PLD3: variants seen among roughly 807,000 people sequenced by gnomAD.
The protein encoded by PLD3 is 5'-3' exonuclease PLD3.
In PLD3, 31 loss-of-function variants were observed where a neutral mutation model predicts 58.4. The observed-to-expected ratio is 0.53, with a 90% CI of 0.40 to 0.72. The LOEUF (loss-of-function observed/expected upper bound fraction) is 0.72. PLD3 is among the 30% of genes least tolerant of loss of function. PLD3 has a pLI of 0.00. For synonymous variants in PLD3, 264 were observed against 273.4 expected (o/e 0.97, Z 0.34); for missense variants, 595 against 659.8 (o/e 0.90, Z 1.08).
chr19:40,374,185 C>T (rs936519020), intron 9 of PLD3, among the ~76,000 whole-genome samples: 1 of 152,112 alleles, frequency 6.6e-6, no homozygotes, highest in African/African-American at 2.4e-5. Flanking sequence ...GCCGCTGGAT[C>T]AGGGACCTTA....
intron 10 of PLD3, 124 bp downstream of exon 10, chr19:40,374,744 G>T (rs2079151841): frequency 6.6e-6 from 7 of 1,057,440 alleles, no homozygotes; most frequent in Non-Finnish European, 8.4e-6. Context: ...AAGCTGCAGG[G>T]AGAGACAGTC....
chr19:40,367,661 G>A, intron 5 of PLD3, 35 bp from the exon 6 acceptor site: 1 of 1,570,698 alleles, frequency 6.4e-7, no homozygotes. Context: ...TTGCTCTCCG[G>A]CACCGTATGG....
intron 6 of PLD3, among the ~76,000 whole-genome samples, chr19:40,368,835 G>C (rs150183257): frequency 1.6e-3 from 248 of 152,150 alleles, no homozygotes; most frequent in African/African-American, 5.4e-3. Flanking sequence ...GGAAGGAGGA[G>C]GATGGCTTGA....
chr19:40,373,781 G>A (rs2079124604), intron 9 of PLD3, among the ~76,000 whole-genome samples: 1 of 152,072 alleles, frequency 6.6e-6, no homozygotes, highest in Admixed American at 6.6e-5. Flanking sequence ...GAGGTCAGGA[G>A]TTCGAGACCT....
At chr19:40,359,887 A>G (rs2078740061) in intron 1 of PLD3, 1 of 152,070 alleles carries the variant, frequency 6.6e-6, no homozygotes, top group Non-Finnish European at 1.5e-5. Flanking sequence ...TGTGGAGATG[A>G]GTCCTGCTGT....
intron 5 of PLD3, chr19:40,367,162 A>G (rs559959776): frequency 1.4e-5 from 7 of 516,920 alleles, no homozygotes; most frequent in East Asian, 1.3e-4. Flanking sequence ...GTGGACCCAC[A>G]CACACATCTC....
At chr19:40,372,372 A>G (rs917211042) in intron 9 of PLD3, among the ~76,000 whole-genome samples, 4 of 152,024 alleles carry the variant, frequency 2.6e-5, no homozygotes, top group African/African-American at 9.7e-5. Flanking sequence ...TTGTGCATGC[A>G]TGTAGTCACA....
At chr19:40,351,977 T>C (rs954600476) in intron 1 of PLD3, among the ~76,000 whole-genome samples, 8 of 152,024 alleles carry the variant, frequency 5.3e-5, no homozygotes, top group African/African-American at 1.7e-4. Flanking sequence ...CAAATATCCC[T>C]GTCAAAGATC....
chr19:40,349,850 C>G (rs554056398), intron 1 of PLD3, among the ~76,000 whole-genome samples: 1 of 151,278 alleles, frequency 6.6e-6, no homozygotes, highest in African/African-American at 2.4e-5. Context: ...CCCAGCTACT[C>G]GGGAGGCTGA....
chr19:40,367,688 C>G lies in PLD3; in HGVS notation c.246-8C>G. On this transcript the variant is annotated splice_polypyrimidine_tract_variant and splice_region_variant and intron_variant, in intron 5 of 12. Coordinates refer to ENST00000409735, the MANE Select transcript of PLD3 (RefSeq NM_012268.4). ...ACCGTATGGCTGATAGCATCCCCCA[C>G]CCCCCAGAGCAGTGCTGGTGGAAAG... The G allele has an allele frequency of 6.3e-7, 1 of 1,593,704 alleles. No homozygotes were observed. The highest frequency in any genetic ancestry group is 8.6e-7 in the Non-Finnish European group (1 of 1,164,786).
chr19:40,378,017 G>T lies in PLD3; in HGVS notation c.1317G>T (p.Thr439=). The T allele has an allele frequency of 6.2e-7, 1 of 1,613,406 alleles. No individual in the cohort carries two copies. The highest frequency in any genetic ancestry group is 8.5e-7 in the Non-Finnish European group (1 of 1,179,622). ...GTSNWSGNYF[T]ETAGTSLLVT... is the part of the protein sequence containing the mutation. ...CCAACTGGTCTGGCAACTACTTCAC[G>T]GAGACGGCGGGCACCTCGCTGCTGG... is the stretch of plus-strand genomic sequence containing the variant. Residue 439 remains threonine, a synonymous_variant, in exon 13 of 13, where the codon ACG becomes ACT. Coordinates refer to ENST00000409735, the MANE Select transcript of PLD3 (RefSeq NM_012268.4).
chr19:40,371,276 C>G (rs2079060784), intron 8 of PLD3, among the ~76,000 whole-genome samples: 1 of 152,166 alleles, frequency 6.6e-6, no homozygotes, highest in South Asian at 2.1e-4. Flanking sequence ...CCTGTCCTCC[C>G]AGCCCAATGG....
chr19:40,356,930 A>T (rs2078669125), intron 1 of PLD3: 1 of 152,198 alleles, frequency 6.6e-6, no homozygotes, highest in Non-Finnish European at 1.5e-5. Flanking sequence ...TTTAAGTTCC[A>T]GTTCAGAAGT....
intron 1 of PLD3, chr19:40,360,554 C>CT (rs1337558488): frequency 1.3e-5 from 2 of 148,234 alleles, no homozygotes; most frequent in Non-Finnish European, 3.0e-5. Flanking sequence ...GCACTCCAGC[C>CT]TGGATAACAG....
At chr19:40,361,589 G>A (rs1172891421) in intron 1 of PLD3, among the ~76,000 whole-genome samples, 1 of 151,918 alleles carries the variant, frequency 6.6e-6, no homozygotes, top group Non-Finnish European at 1.5e-5. Flanking sequence ...AGACACACTG[G>A]CATCCTCACT....
At chr19:40,369,499 G>A (rs189472781) in intron 6 of PLD3, among the ~76,000 whole-genome samples, 2 of 152,336 alleles carry the variant, frequency 1.3e-5, no homozygotes, top group South Asian at 2.1e-4. Context: ...AACAGGGCCT[G>A]GCACACAGTA....
chr19:40,372,815 C>T (rs897709228), intron 9 of PLD3, among the ~76,000 whole-genome samples: 4 of 151,470 alleles, frequency 2.6e-5, no homozygotes, highest in Admixed American at 6.6e-5. Context: ...TTTGAGGCTG[C>T]GTGAGCTGAT....
At chr19:40,368,451 G>T (rs1009943858) in intron 6 of PLD3, among the ~76,000 whole-genome samples, 11 of 152,102 alleles carry the variant, frequency 7.2e-5, no homozygotes, top group Non-Finnish European at 1.5e-5. Flanking sequence ...GAACATAAAA[G>T]CTTCACAATT....
At chr19:40,353,768 T>A (rs2078579058) in intron 1 of PLD3, among the ~76,000 whole-genome samples, 3 of 151,838 alleles carry the variant, frequency 2.0e-5, no homozygotes, top group Admixed American at 1.3e-4. Flanking sequence ...TTAGTAGAGA[T>A]GGGGTTTCAC....
Sources: gnomAD v4.1 joint callset for allele counts (sites outside exome capture counted in the v4.1 genomes callset) on GRCh38, gnomAD v4.1.1 for gene constraint, MANE v1.5 for transcripts, NCBI Gene and HGNC (gene_info 2026-07-23, HGNC 2026-07-21) for gene names.